The following LTAP1 variants were observed in gnomAD, a reference collection of about 807,000 sequenced individuals.
The protein encoded by LTAP1 is lipid transport auxiliary protein 1.
At chr1:154,212,771 C>G in the LTAP1 span, 1 of 772,760 alleles carries the variant, frequency 1.3e-6, no homozygotes, top group East Asian at 2.8e-5. Context: ...GAGCAATTCT[C>G]TAGTCTCAGC....
the LTAP1 span, among the ~76,000 whole-genome samples, chr1:154,215,349 A>G: frequency 6.6e-6 from 1 of 151,964 alleles, no homozygotes; most frequent in East Asian, 1.9e-4. Flanking sequence ...GGTGGATCAC[A>G]AGGTCAGGAG....
At chr1:154,213,125 G>A in the LTAP1 span, 12 of 155,344 alleles carry the variant, frequency 7.7e-5, no homozygotes, top group African/African-American at 2.6e-4. Flanking sequence ...TGGCCAACAT[G>A]GTGAAAACCT....
At chr1:154,214,276 CA>C in the LTAP1 span, among the ~76,000 whole-genome samples, 1 of 151,064 alleles carries the variant, frequency 6.6e-6, no homozygotes, top group Non-Finnish European at 1.5e-5. Context: ...AACTCCATCT[CA>C]AAAAAGAAAA....
chr1:154,212,847 A>G, the LTAP1 span: 1 of 507,318 alleles, frequency 2.0e-6, no homozygotes, highest in Non-Finnish European at 3.5e-6. Context: ...TTTTTAGTAG[A>G]GACAAAAATA....
chr1:154,206,871 G>C, the LTAP1 span: 2 of 154,966 alleles, frequency 1.3e-5, no homozygotes, highest in East Asian at 3.8e-4. Flanking sequence ...ATTTATTAAT[G>C]AGAGTGTGGA....
At chr1:154,220,255 G>T in the LTAP1 span, 1 of 1,483,370 alleles carries the variant, frequency 6.7e-7, no homozygotes, top group Non-Finnish European at 9.4e-7. Context: ...GTGAGTGGGT[G>T]GAGAATGCAG....
chr1:154,214,442 G>C, the LTAP1 span: 574,320 of 1,551,806 alleles, frequency 0.37, 111,755 homozygotes, highest in Admixed American at 0.51. Flanking sequence ...AGCATTCCAA[G>C]AGCTTGCCAC....
At chr1:154,212,395 G>A in the LTAP1 span, 3 of 1,614,108 alleles carry the variant, frequency 1.9e-6, no homozygotes, top group Non-Finnish European at 1.7e-6. Flanking sequence ...AAAGAGAAAG[G>A]AAGAGTGAGG....
At chr1:154,220,294 T>C in the LTAP1 span, 2 of 1,606,970 alleles carry the variant, frequency 1.2e-6, no homozygotes, top group South Asian at 2.2e-5. Flanking sequence ...GGAGGGTCTC[T>C]ACTGGGTAAG....
At chr1:154,210,871 A>G in the LTAP1 span, among the ~76,000 whole-genome samples, 6 of 152,328 alleles carry the variant, frequency 3.9e-5, no homozygotes, top group East Asian at 7.7e-4. Flanking sequence ...TGTGTATTAA[A>G]AACATTCCCA....
At chr1:154,214,992 G>A in the LTAP1 span, among the ~76,000 whole-genome samples, 25 of 151,850 alleles carry the variant, frequency 1.6e-4, no homozygotes, top group East Asian at 1.9e-4. Context: ...TTATAGGCGC[G>A]TACGACCATG....
the LTAP1 span, among the ~76,000 whole-genome samples, chr1:154,215,726 G>C: frequency 6.6e-6 from 1 of 151,772 alleles, no homozygotes; most frequent in African/African-American, 2.4e-5. Context: ...TGAAACATAA[G>C]ATACACAAAA....
chr1:154,219,923 T>C, the LTAP1 span: 182 of 1,612,608 alleles, frequency 1.1e-4, 1 homozygote, highest in African/African-American at 2.2e-3. Context: ...CAAAAATAAA[T>C]AGCAGTACAA....
At chr1:154,209,734 C>T in the LTAP1 span, among the ~76,000 whole-genome samples, 1 of 151,796 alleles carries the variant, frequency 6.6e-6, no homozygotes. Flanking sequence ...CTACAGGCAC[C>T]CGCCACCACG....
the LTAP1 span, among the ~76,000 whole-genome samples, chr1:154,218,741 C>G: frequency 6.6e-6 from 1 of 151,962 alleles, no homozygotes; most frequent in Non-Finnish European, 1.5e-5. Context: ...GCTTTATAGT[C>G]GTGAACAAAA....
chr1:154,209,842 G>A, the LTAP1 span, among the ~76,000 whole-genome samples: 7 of 151,466 alleles, frequency 4.6e-5, no homozygotes, highest in African/African-American at 1.2e-4. Context: ...CGCCCGCCTC[G>A]GCCTCTCCAA....
chr1:154,214,509 G>T, the LTAP1 span: 2 of 1,614,022 alleles, frequency 1.2e-6, no homozygotes, highest in Non-Finnish European at 1.7e-6. Context: ...CATCTGCAAG[G>T]AGCTGGGGCT....
At chr1:154,210,519 C>G in the LTAP1 span, among the ~76,000 whole-genome samples, 1 of 152,100 alleles carries the variant, frequency 6.6e-6, no homozygotes, top group Admixed American at 6.5e-5. Flanking sequence ...GCTCTGTCGC[C>G]TAGGCTGGAG....
At chr1:154,209,776 G>A in the LTAP1 span, among the ~76,000 whole-genome samples, 1 of 150,832 alleles carries the variant, frequency 6.6e-6, no homozygotes, top group African/African-American at 2.4e-5. Context: ...TGTATTTTTA[G>A]TAGAGACTGG....
Sources: gnomAD v4.1 joint callset for allele counts (sites outside exome capture counted in the v4.1 genomes callset) on GRCh38, gnomAD v4.1.1 for gene constraint, MANE v1.5 for transcripts, NCBI Gene and HGNC (gene_info 2026-07-23, HGNC 2026-07-21) for gene names.